Variants in HECW2 observed in about 807,000 individuals in gnomAD.
The protein encoded by HECW2 is HECT, C2 and WW domain containing E3 ubiquitin protein ligase 2.
In HECW2, 61 loss-of-function variants were observed where a neutral mutation model predicts 175.2. The observed-to-expected ratio is 0.35, with a 90% CI of 0.28 to 0.43. The LOEUF (loss-of-function observed/expected upper bound fraction) is 0.43, where lower values mean the gene tolerates loss of function less well. Ranked by LOEUF, HECW2 falls within the 20% of genes least tolerant of loss-of-function variation. The probability of loss-of-function intolerance (pLI) is 1.00; values close to 1 mark genes in which losing one functional copy is unlikely to be tolerated. For synonymous variants in HECW2, 671 were observed against 731.0 expected, an observed-to-expected ratio of 0.92 and a Z score of 1.32; for missense variants, 1,524 against 2,000.5, an observed-to-expected ratio of 0.76 and a Z score of 4.54.
intron 19 of HECW2, among the ~76,000 whole-genome samples, chr2:196,251,111 C>T (rs1251587096): frequency 6.6e-6 from 1 of 152,098 alleles, no homozygotes; most frequent in Non-Finnish European, 1.5e-5. Context: ...ATGATCATGG[C>T]TCCCTGCAGG....
chr2:196,257,743 G>T, intron 18 of HECW2, 80 bp downstream of exon 18: 1 of 979,994 alleles, frequency 1.0e-6, no homozygotes, highest in Non-Finnish European at 1.6e-6. Context: ...TATGAATATT[G>T]GCATATTATT....
intron 1 of HECW2, among the ~76,000 whole-genome samples, chr2:196,521,308 G>C (rs867389522): frequency 1.0e-5 from 1 of 99,828 alleles, no homozygotes; most frequent in Non-Finnish European, 2.1e-5. Flanking sequence ...AAAAAAAAAA[G>C]AAAGAAAAAG....
At chr2:196,460,192 A>G (rs1435003027) in intron 1 of HECW2, among the ~76,000 whole-genome samples, 1 of 152,192 alleles carries the variant, frequency 6.6e-6, no homozygotes, top group East Asian at 1.9e-4. Flanking sequence ...AATCTAGAAA[A>G]CCAAGGAGTC....
intron 2 of HECW2, among the ~76,000 whole-genome samples, chr2:196,369,104 G>A (rs1425648640): frequency 6.6e-6 from 1 of 152,074 alleles, no homozygotes; most frequent in African/African-American, 2.4e-5. Flanking sequence ...GGGCTTGTTT[G>A]TGCCTGTCTT....
intron 1 of HECW2, among the ~76,000 whole-genome samples, chr2:196,557,262 G>A (rs1689829085): frequency 6.6e-6 from 1 of 152,048 alleles, no homozygotes; most frequent in Non-Finnish European, 1.5e-5. Context: ...GGGCGTGGTG[G>A]CACATTCCTG....
At chr2:196,462,775 C>A (rs1696797892) in intron 1 of HECW2, among the ~76,000 whole-genome samples, 1 of 151,810 alleles carries the variant, frequency 6.6e-6, no homozygotes, top group Non-Finnish European at 1.5e-5. Flanking sequence ...CAGGTCAAAA[C>A]AACTGTACTT....
At chr2:196,393,871 C>T (rs1032967693) in intron 2 of HECW2, among the ~76,000 whole-genome samples, 1 of 152,188 alleles carries the variant, frequency 6.6e-6, no homozygotes, top group Admixed American at 6.5e-5. Context: ...TATTGCGGCA[C>T]TATTCACAAT....
intron 2 of HECW2, among the ~76,000 whole-genome samples, chr2:196,386,032 T>G (rs1694337606): frequency 6.6e-6 from 1 of 152,132 alleles, no homozygotes; most frequent in Non-Finnish European, 1.5e-5. Context: ...AGGAGAAACT[T>G]AGGCTATAAC....
intron 23 of HECW2, among the ~76,000 whole-genome samples, chr2:196,222,745 T>C (rs1394133585): frequency 6.6e-6 from 1 of 152,068 alleles, no homozygotes; most frequent in Non-Finnish European, 1.5e-5. Context: ...TATCTTAATT[T>C]GAAATTATTT....
intron 1 of HECW2, among the ~76,000 whole-genome samples, chr2:196,565,616 T>C (rs981733912): frequency 1.3e-5 from 2 of 152,188 alleles, no homozygotes; most frequent in Admixed American, 6.5e-5. Flanking sequence ...TCCTAGTCAC[T>C]TTTCATCTTT....
At chr2:196,428,197 T>A (rs1017102996) in intron 2 of HECW2, among the ~76,000 whole-genome samples, 1 of 152,172 alleles carries the variant, frequency 6.6e-6, no homozygotes, top group Non-Finnish European at 1.5e-5. Context: ...CTTATTTCTA[T>A]AGAGACCATC....
chr2:196,259,963 G>A (rs1217691342), intron 17 of HECW2: 5 of 152,256 alleles, frequency 3.3e-5, no homozygotes, highest in South Asian at 4.2e-4. Context: ...CAGGCAAACA[G>A]AACAAGACAA....
At chr2:196,211,551 A>T (rs1162322279) in intron 28 of HECW2, among the ~76,000 whole-genome samples, 1 of 152,184 alleles carries the variant, frequency 6.6e-6, no homozygotes, top group Non-Finnish European at 1.5e-5. Context: ...TTCAACTTGC[A>T]CTGGCTGCAG....
At chr2:196,221,583 G>C (rs1013504069) in intron 24 of HECW2, among the ~76,000 whole-genome samples, 4 of 151,964 alleles carry the variant, frequency 2.6e-5, no homozygotes, top group African/African-American at 9.7e-5. Flanking sequence ...TTTTGAGACA[G>C]GGTCTCACTC....
At chr2:196,309,612 CAATT>C (rs1430630253) in intron 10 of HECW2, among the ~76,000 whole-genome samples, 2 of 7,474 alleles carry the variant, frequency 2.7e-4, no homozygotes, top group Non-Finnish European at 0.017. Flanking sequence ...TTTTGGGAAC[CAATT>C]ACCCCATCTC....
At chr2:196,283,660 C>G (rs1237020424) in intron 14 of HECW2, among the ~76,000 whole-genome samples, 2 of 152,074 alleles carry the variant, frequency 1.3e-5, no homozygotes, top group African/African-American at 4.8e-5. Context: ...GAATTACAGG[C>G]GTAAGCCACC....
Position 196,319,529 on chromosome 2 carries a change from T to C in HECW2, c.1361A>G (p.Asp454Gly). The change falls in exon 9 of 29, where the codon GAC (aspartate) becomes GGC (glycine). Residue 454 changes from aspartate to glycine, a missense_variant. By Grantham distance (94) the Asp-to-Gly change is moderately conservative (BLOSUM62 -1). Transcript: ENST00000644978. ...ATGAAGCATGGCATTGAGTCTTGTG[T>C]CAGTGGGAAAACTACTCCTCAGTTT... ...SPKLRSSFPT[D>G]TRLNAMLHID... 1 of 1,614,178 alleles carries C rather than the reference T, an allele frequency of 6.2e-7. No homozygotes were observed.
At chr2:196,512,545 C>G (rs1239709819) in intron 1 of HECW2, among the ~76,000 whole-genome samples, 2 of 152,048 alleles carry the variant, frequency 1.3e-5, no homozygotes, top group Admixed American at 6.6e-5. Context: ...GCACGTGCCA[C>G]CAAACATAGC....
At chr2:196,254,719 G>A (rs2105916076) in intron 18 of HECW2, among the ~76,000 whole-genome samples, 1 of 152,298 alleles carries the variant, frequency 6.6e-6, no homozygotes, top group Middle Eastern at 3.4e-3. Flanking sequence ...TGTAGAAACT[G>A]CAATGCCACT....
Sources: gnomAD v4.1 joint callset for allele counts (sites outside exome capture counted in the v4.1 genomes callset) on GRCh38, gnomAD v4.1.1 for gene constraint, MANE v1.5 for transcripts, NCBI Gene and HGNC (gene_info 2026-07-23, HGNC 2026-07-21) for gene names.